PTBP2: variants seen among roughly 807,000 people sequenced by gnomAD.
PTBP2 encodes the protein polypyrimidine tract binding protein 2.
In PTBP2, 13 loss-of-function variants were observed where a neutral mutation model predicts 61.4. The ratio of observed to expected loss-of-function variants is 0.21; its 90% CI spans 0.14 to 0.34. PTBP2 has a LOEUF of 0.34. Among genes scored for constraint, PTBP2 ranks in the 10% least tolerant of loss-of-function variants. The pLI is 1.00. For missense variants in PTBP2, 405 were observed against 642.6 expected (o/e 0.63, Z 4.00); for synonymous variants, 215 against 218.5 (o/e 0.98, Z 0.14).
At chr1:96,725,488 ACGGGGTTTCAC>A (rs1410759073) in intron 2 of PTBP2, among the ~76,000 whole-genome samples, 1 of 151,862 alleles carries the variant, frequency 6.6e-6, no homozygotes, top group Non-Finnish European at 1.5e-5. Flanking sequence ...TTTAGTAGAG[ACGGGGTTTCAC>A]CGTGTTAGCC....
At chr1:96,768,031 G>A (rs556719161) in intron 3 of PTBP2, among the ~76,000 whole-genome samples, 1 of 152,198 alleles carries the variant, frequency 6.6e-6, no homozygotes, top group South Asian at 2.1e-4. Flanking sequence ...TATGACTTAA[G>A]TATAGCTTGA....
chr1:96,739,058 A>T (rs191541774), intron 2 of PTBP2, among the ~76,000 whole-genome samples: 2 of 152,210 alleles, frequency 1.3e-5, no homozygotes, highest in Non-Finnish European at 2.9e-5. Context: ...TGACAAATGC[A>T]TACAATTTAT....
chr1:96,748,465 C>T lies in PTBP2; in HGVS notation c.40-2960C>T, dbSNP rs371911956. ...TTTTTTAAGTGGTTTCTTTCTCTGACGTGTAGAGTGTATCTTCCTATTTCT... is the reference window on the plus strand; with the variant it reads ...TTTTTTAAGTGGTTTCTTTCTCTGATGTGTAGAGTGTATCTTCCTATTTCT... On this transcript the variant is annotated intron_variant, in intron 2 of 13. Coordinates refer to ENST00000674951, the MANE Select transcript of PTBP2 (RefSeq NM_021190.4). Among the ~76,000 whole-genome samples, 444 of 151,974 alleles carry T rather than the reference C, an allele frequency of 2.9e-3. 30 individuals are homozygous for T. The South Asian group carries it at 0.085, about 29-fold the overall frequency.
chr1:96,817,044 TGAAAA>T (rs1175480416), downstream of PTBP2: 4 of 152,268 alleles, frequency 2.6e-5, no homozygotes, highest in East Asian at 3.9e-4. Context: ...CCAAGCCAGA[TGAAAA>T]GAAACCATGG....
intron 8 of PTBP2, among the ~76,000 whole-genome samples, chr1:96,796,387 T>G (rs1660392485): frequency 6.6e-6 from 1 of 151,994 alleles, no homozygotes; most frequent in Admixed American, 6.5e-5. Flanking sequence ...TTATATGTCT[T>G]TATGAAGCAA....
intron 11 of PTBP2, among the ~76,000 whole-genome samples, chr1:96,808,229 G>C (rs1661689538): frequency 6.6e-6 from 1 of 151,860 alleles, no homozygotes; most frequent in African/African-American, 2.4e-5. Flanking sequence ...TGCTTGGGCT[G>C]CTGTAACCAA....
Position 96,804,819 on chromosome 1 carries a change from T to C in PTBP2, c.924T>C (p.Ser308=). 1 of 1,611,042 alleles carries C rather than the reference T, an allele frequency of 6.2e-7. No individual in the cohort carries two copies. Among genetic ancestry groups the C allele is most frequent in the Non-Finnish European group, 8.5e-7 (1 of 1,178,054 alleles). ...TSLLAVPGAL[S]PLAIPNAAAA... Reference sequence around the variant, plus strand: ...TTGCAGCTGTTCCAGGAGCTCTGAGTCCTTTGGCCATTCCAAATGCTGCTG... The same window carrying C: ...TTGCAGCTGTTCCAGGAGCTCTGAGCCCTTTGGCCATTCCAAATGCTGCTG... The change falls in exon 9 of 14, where the codon AGT becomes AGC. Residue 308 remains serine, a synonymous_variant. Coordinates refer to ENST00000674951, the MANE Select transcript of PTBP2 (RefSeq NM_021190.4).
At chr1:96,733,225 A>G (rs758559973) in intron 2 of PTBP2, among the ~76,000 whole-genome samples, 26 of 151,420 alleles carry the variant, frequency 1.7e-4, no homozygotes, top group Non-Finnish European at 3.4e-4. Context: ...ATGGCAAAGA[A>G]GACTCTGTCT....
At chr1:96,794,564 G>A (rs559794780) in intron 8 of PTBP2, among the ~76,000 whole-genome samples, 8 of 152,240 alleles carry the variant, frequency 5.3e-5, no homozygotes, top group African/African-American at 1.4e-4. Flanking sequence ...GCTCATTTCA[G>A]TGTCATCCTG....
intron 8 of PTBP2, 30 bp from the exon 9 acceptor site, chr1:96,804,770 T>G (rs762185252): frequency 1.3e-6 from 2 of 1,579,690 alleles, no homozygotes; most frequent in Non-Finnish European, 1.7e-6. Flanking sequence ...AAAATATGCT[T>G]TATTTTAAAA....
At chr1:96,727,795 A>G (rs191196243) in intron 2 of PTBP2, among the ~76,000 whole-genome samples, 14 of 152,214 alleles carry the variant, frequency 9.2e-5, no homozygotes, top group African/African-American at 2.2e-4. Context: ...TTTATCAGCC[A>G]TAAGGCCTGC....
intron 8 of PTBP2, among the ~76,000 whole-genome samples, chr1:96,796,140 T>C (rs541262037): frequency 6.6e-5 from 10 of 152,044 alleles, no homozygotes; most frequent in Non-Finnish European, 1.0e-4. Context: ...AGAGATTTTT[T>C]ACCAAGTTCA....
At chr1:96,722,182 G>C (rs1323992092) in intron 1 of PTBP2, among the ~76,000 whole-genome samples, 3 of 151,946 alleles carry the variant, frequency 2.0e-5, no homozygotes, top group Non-Finnish European at 4.4e-5. Flanking sequence ...ACGTCTCCCC[G>C]GTCTGTCCCT....
intron 8 of PTBP2, among the ~76,000 whole-genome samples, chr1:96,798,494 T>C (rs1225571123): frequency 6.6e-6 from 1 of 152,174 alleles, no homozygotes; most frequent in African/African-American, 2.4e-5. Context: ...AACTACGAGA[T>C]GTTATGAACA....
intron 3 of PTBP2, 67 bp from the exon 4 acceptor site, chr1:96,769,636 A>T: frequency 5.0e-6 from 6 of 1,188,554 alleles, no homozygotes; most frequent in Non-Finnish European, 6.7e-6. Context: ...GTTTTTTTAC[A>T]CAAATAGGAA....
chr1:96,799,820 G>T (rs2101152755), intron 8 of PTBP2, among the ~76,000 whole-genome samples: 1 of 152,178 alleles, frequency 6.6e-6, no homozygotes, highest in South Asian at 2.1e-4. Flanking sequence ...GAAATATTTT[G>T]TAGGTTTTTA....
intron 3 of PTBP2, among the ~76,000 whole-genome samples, chr1:96,763,156 C>G (rs1656215307): frequency 6.6e-6 from 1 of 152,164 alleles, no homozygotes; most frequent in Admixed American, 6.5e-5. Flanking sequence ...CAGAGACGCT[C>G]CTCACTTCCC....
chr1:96,766,358 A>G (rs1656700079), intron 3 of PTBP2, among the ~76,000 whole-genome samples: 1 of 152,330 alleles, frequency 6.6e-6, no homozygotes, highest in African/African-American at 2.4e-5. Flanking sequence ...TTCTTAACTG[A>G]ACATAAACAT....
chr1:96,796,644 A>C (rs1660424258), intron 8 of PTBP2, among the ~76,000 whole-genome samples: 1 of 152,210 alleles, frequency 6.6e-6, no homozygotes, highest in African/African-American at 2.4e-5. Context: ...GTATTTGTCA[A>C]GCCCAGATGA....
Sources: gnomAD v4.1 joint callset for allele counts (sites outside exome capture counted in the v4.1 genomes callset) on GRCh38, gnomAD v4.1.1 for gene constraint, MANE v1.5 for transcripts, NCBI Gene and HGNC (gene_info 2026-07-23, HGNC 2026-07-21) for gene names.